The following RUNX3 variants were observed in gnomAD, a reference collection of about 807,000 sequenced individuals.
The protein encoded by RUNX3 is RUNX family transcription factor 3.
In RUNX3, 10 loss-of-function variants were observed where a neutral mutation model predicts 27.7. That is an observed-to-expected ratio of 0.36 (90% CI 0.22 to 0.61). The LOEUF (loss-of-function observed/expected upper bound fraction) is 0.61, where lower values mean the gene tolerates loss of function less well. Ranked by LOEUF, RUNX3 falls within the 20% of genes least tolerant of loss-of-function variation. RUNX3 has a pLI of 0.72. For missense variants in RUNX3, 469 were observed against 629.5 expected (o/e 0.75, Z 2.73); for synonymous variants, 270 against 269.2 (o/e 1.00, Z -0.03).
At chr1:24,953,342 C>T (rs1255774760) in intron 2 of RUNX3, among the ~76,000 whole-genome samples, 15 of 119,116 alleles carry the variant, frequency 1.3e-4, no homozygotes, top group African/African-American at 3.3e-5. Flanking sequence ...CCAGCCTGGG[C>T]GACAGAGCCA....
chr1:24,964,735 C>T (rs1642215513), intron 1 of RUNX3: 4 of 1,446,734 alleles, frequency 2.8e-6, no homozygotes, highest in East Asian at 2.5e-5. Flanking sequence ...TCTCTTTTTT[C>T]CCCCCTGCTG....
At chr1:24,959,448 G>A (rs1233525102) in intron 2 of RUNX3, among the ~76,000 whole-genome samples, 2 of 152,228 alleles carry the variant, frequency 1.3e-5, no homozygotes, top group Non-Finnish European at 2.9e-5. Context: ...GTGGCGCCAG[G>A]CAAGCGCCAT....
upstream of RUNX3, among the ~76,000 whole-genome samples, chr1:24,930,900 C>T (rs1481750572): frequency 6.6e-6 from 1 of 152,100 alleles, no homozygotes; most frequent in Non-Finnish European, 1.5e-5. The surrounding 1 kb of genome is among the most constrained non-coding windows in gnomAD (Gnocchi z 4.1). Context: ...CTGTGCCAAA[C>T]CGGGGACAGG....
Position 24,904,491 on chromosome 1 carries a change from C to T in RUNX3, c.704-1825G>A, listed in dbSNP as rs905798216. Among the ~76,000 whole-genome samples the T allele has an allele frequency of 5.3e-5, 8 of 152,150 alleles. No individual in the cohort carries two copies. Among genetic ancestry groups the T allele is most frequent in the African/African-American group, 1.7e-4 (7 of 41,436 alleles). ...CTTGGCTGTCCCGGCCCCTTGAGGC[C>T]GAGAGCCTCCGAGGCACCTGGCTGC... On this transcript the variant is annotated intron_variant, in intron 4 of 4. Coordinates refer to ENST00000308873, the MANE Select transcript of RUNX3 (RefSeq NM_004350.3). The surrounding 1 kb of genome is among the most constrained non-coding windows in gnomAD (Gnocchi z 5.7).
At chr1:24,934,376 T>C (rs1315559542), upstream of RUNX3, among the ~76,000 whole-genome samples, 1 of 151,986 alleles carries the variant, frequency 6.6e-6, no homozygotes, top group Non-Finnish European at 1.5e-5. Context: ...GAGATCTTTC[T>C]TCCTTTTTGG....
At chr1:24,910,320 G>T (rs1414874833) in intron 3 of RUNX3, among the ~76,000 whole-genome samples, 1 of 151,514 alleles carries the variant, frequency 6.6e-6, no homozygotes, top group Non-Finnish European at 1.5e-5. Context: ...TGTGGGAGGG[G>T]GTAAGGGGGA....
upstream of RUNX3, among the ~76,000 whole-genome samples, chr1:24,933,990 C>T (rs1177030036): frequency 6.6e-6 from 1 of 152,184 alleles, no homozygotes; most frequent in Non-Finnish European, 1.5e-5. Flanking sequence ...ACATTCATGC[C>T]CCTCACTGAG....
In RUNX3 at chr1:24,964,834, A is replaced by G; in HGVS notation, c.-98+2T>C. On this transcript the variant is annotated splice_donor_variant, in intron 1 of 6. Coordinates refer to the RUNX3 transcript ENST00000338888. LOFTEE classifies it low-confidence loss of function (5UTR_SPLICE). ...CCAAGGAAAGTAAGTTTCTGTTTGT[A>G]CCCAAGAATTTGGATTCCCGGTCCC... 1.1e-6 allele frequency: 1 copy of G among 873,748 alleles called. No homozygotes were observed. Among genetic ancestry groups the G allele is most frequent in the Non-Finnish European group, 1.6e-6 (1 of 611,350 alleles). 54.1% of individuals were successfully genotyped at this position (873,748 alleles called of 1,614,324 possible).
intron 2 of RUNX3, among the ~76,000 whole-genome samples, chr1:24,942,976 G>A (rs2124341332): frequency 6.6e-6 from 1 of 152,370 alleles, no homozygotes; most frequent in South Asian, 2.1e-4. Flanking sequence ...CTGGAAATGT[G>A]GGCAGCTGGG....
chr1:24,963,727 A>C (rs571597857), intron 2 of RUNX3, among the ~76,000 whole-genome samples: 36 of 152,232 alleles, frequency 2.4e-4, no homozygotes, highest in African/African-American at 7.9e-4. Context: ...GCCAGGGTGC[A>C]TCAGCCCTAA....
chr1:24,907,340 C>A lies in RUNX3; in HGVS notation c.622G>T (p.Val208Leu). The change falls in exon 4 of 5, where the codon GTG becomes TTG. Residue 208 changes from valine (V) to leucine (L), a missense_variant. Transcript: ENST00000308873. ...FGDLERLRMR[V>L]TPSTPSPRGS... is the part of the protein sequence containing the mutation. Reference sequence around the variant, plus strand: ...CGGGGGCTGGGTGTGCTCGGTGTCACCCGCATGCGCAGCCGTTCCAGGTCC... The same window carrying A: ...CGGGGGCTGGGTGTGCTCGGTGTCAACCGCATGCGCAGCCGTTCCAGGTCC... 1.2e-6 allele frequency: 2 copies of A among 1,613,722 alleles called. No homozygotes were observed. The highest frequency in any genetic ancestry group is 1.7e-6 in the Non-Finnish European group (2 of 1,180,026).
At chr1:24,940,797 G>C (rs536755619) in intron 2 of RUNX3, among the ~76,000 whole-genome samples, 1 of 151,970 alleles carries the variant, frequency 6.6e-6, no homozygotes, top group Admixed American at 6.6e-5. Context: ...AGTAGGGAGA[G>C]GGATGCAGTC....
In RUNX3 at chr1:24,919,697, T is replaced by C. The variant is rs140342178; in HGVS notation, c.440-353A>G. ...TATTCTATTTTCTGAAAGTAATTGG[T>C]GATCTTTGTAGAAAAATTCAAGAAC... On this transcript the variant is annotated intron_variant, in intron 2 of 4. Transcript: ENST00000308873. Among the ~76,000 whole-genome samples, 145 of 152,082 alleles carry C rather than the reference T, an allele frequency of 9.5e-4. 1 individual carries two copies. The highest frequency in any genetic ancestry group is 3.5e-3 in the African/African-American group (143 of 41,448).
At chr1:24,953,402 G>GAAAAAAAAAAAAAAAAAAAAAAA (rs553316885) in intron 2 of RUNX3, among the ~76,000 whole-genome samples, 1 of 70,476 alleles carries the variant, frequency 1.4e-5, no homozygotes, top group Non-Finnish European at 2.9e-5. Context: ...AAAGAAAAAT[G>GAAAAAAAAAAAAAAAAAAAAAAA]AAAAAAAAAA....
chr1:24,951,204 C>CAAAAA (rs542137531), intron 2 of RUNX3, among the ~76,000 whole-genome samples: 84 of 96,228 alleles, frequency 8.7e-4, no homozygotes, highest in Middle Eastern at 5.6e-3. Flanking sequence ...GACTCCATCT[C>CAAAAA]AAAAAAAAAA....
At position 24,902,901 on chromosome 1, in the gene RUNX3, C is replaced by T. The variant is rs551683005; in HGVS notation, c.704-235G>A. ...CCGGGCCAAGAGGGGCCATGGGAGCCCCCCCACAGCAGCAACAGAACAGAG... is the reference window on the plus strand; with the variant it reads ...CCGGGCCAAGAGGGGCCATGGGAGCTCCCCCACAGCAGCAACAGAACAGAG... On this transcript the variant is annotated intron_variant, in intron 4 of 4. Transcript: ENST00000308873. The surrounding 1 kb of genome is among the most constrained non-coding windows in gnomAD (Gnocchi z 9.2). 1.3e-5 allele frequency among the ~76,000 whole-genome samples: 2 copies of T among 152,154 alleles called. No individual in the cohort carries two copies. The highest frequency in any genetic ancestry group is 4.8e-5 in the African/African-American group (2 of 41,444).
chr1:24,927,441 C>T lies in RUNX3; in HGVS notation c.439+133G>A. The stretch of plus-strand genomic sequence containing the variant: ...CGATCTGTAATATCCTACAGGATTA[C>T]AAATTGCTGTTTTTAGACAGAGCTG... On this transcript the variant is annotated intron_variant, in intron 2 of 4. Transcript: ENST00000308873. The surrounding 1 kb of genome is among the most constrained non-coding windows in gnomAD (Gnocchi z 5.0). The T allele has an allele frequency of 1.2e-6, 1 of 810,982 alleles. No homozygotes were observed. Among genetic ancestry groups the T allele is most frequent in the Admixed American group, 2.2e-5 (1 of 46,294 alleles). 50.2% of individuals were successfully genotyped at this position (810,982 alleles called of 1,614,324 possible). A position where few individuals can be genotyped will look rare whatever the true frequency, so the allele number is the denominator to read the frequency against.
upstream of RUNX3, among the ~76,000 whole-genome samples, chr1:24,931,951 A>G (rs1391587544): frequency 6.6e-6 from 1 of 152,188 alleles, no homozygotes; most frequent in African/African-American, 2.4e-5. Context: ...GCAGAACTAG[A>G]GGAAAGCGAG....
chr1:24,939,331 T>C (rs1020682905), intron 2 of RUNX3, among the ~76,000 whole-genome samples: 1 of 152,218 alleles, frequency 6.6e-6, no homozygotes, highest in African/African-American at 2.4e-5. Context: ...GAGGACAGCA[T>C]TGTTACAGTG....
Sources: gnomAD v4.1 joint callset for allele counts (sites outside exome capture counted in the v4.1 genomes callset) on GRCh38, gnomAD v4.1.1 for gene constraint, Gnocchi (gnomAD v3.1) non-coding constraint, MANE v1.5 for transcripts, NCBI Gene and HGNC (gene_info 2026-07-23, HGNC 2026-07-21) for gene names.